The following RPTOR variants were observed in gnomAD, a reference collection of about 807,000 sequenced individuals.
RPTOR encodes regulatory-associated protein of mTOR.
Under a neutral mutation model 169.9 loss-of-function variants are expected in RPTOR, and 21 were observed. The ratio of observed to expected loss-of-function variants is 0.12; its 90% confidence interval spans 0.09 to 0.18. RPTOR has a LOEUF of 0.18. RPTOR is among the 10% of genes least tolerant of loss of function. RPTOR has a pLI of 1.00. For missense variants in RPTOR, 1,133 were observed against 1,855.9 expected, an observed-to-expected ratio of 0.61 and a Z score of 7.16; for synonymous variants, 732 against 753.2, an observed-to-expected ratio of 0.97 and a Z score of 0.46.
At chr17:80,652,199 A>G (rs2065646312) in intron 3 of RPTOR, among the ~76,000 whole-genome samples, 1 of 152,074 alleles carries the variant, frequency 6.6e-6, no homozygotes. Flanking sequence ...GTACAACTCA[A>G]TTGGCTTTTA....
intron 6 of RPTOR, among the ~76,000 whole-genome samples, chr17:80,788,518 T>C (rs916077030): frequency 2.4e-4 from 36 of 152,154 alleles, no homozygotes; most frequent in African/African-American, 8.7e-4. Context: ...TGTGTTAATC[T>C]GATAAAAATA....
intron 2 of RPTOR, among the ~76,000 whole-genome samples, chr17:80,642,984 T>G (rs1303302931): frequency 1.3e-5 from 2 of 152,240 alleles, no homozygotes. Context: ...ATTTTTGTAA[T>G]AAATATTTAT....
chr17:80,701,625 C>T (rs1321188242), intron 3 of RPTOR, among the ~76,000 whole-genome samples: 1 of 152,204 alleles, frequency 6.6e-6, no homozygotes, highest in Admixed American at 6.5e-5. Context: ...CCTGAAATGA[C>T]ATTTGTTCCT....
intron 11 of RPTOR, among the ~76,000 whole-genome samples, chr17:80,854,100 G>A (rs72856085): frequency 1.8e-3 from 275 of 152,294 alleles, no homozygotes; most frequent in Admixed American, 4.1e-3. Context: ...GCCACATTTT[G>A]AAGTAGAAAA....
chr17:80,952,478 C>T (rs1050576970), intron 28 of RPTOR, among the ~76,000 whole-genome samples: 2 of 152,346 alleles, frequency 1.3e-5, no homozygotes, highest in African/African-American at 4.8e-5. Flanking sequence ...AGGCCCAAGG[C>T]GTGACCTCCG....
chr17:80,654,508 G>T (rs1347221622), intron 3 of RPTOR, among the ~76,000 whole-genome samples: 1 of 152,228 alleles, frequency 6.6e-6, no homozygotes, highest in East Asian at 1.9e-4. Flanking sequence ...AGGGAGTGAG[G>T]CTGCCCTCTA....
At chr17:80,946,786 G>T (rs775468546) in intron 26 of RPTOR, among the ~76,000 whole-genome samples, 1 of 152,222 alleles carries the variant, frequency 6.6e-6, no homozygotes, top group Non-Finnish European at 1.5e-5. Flanking sequence ...GAACATTGGT[G>T]TACAAGTATC....
intron 7 of RPTOR, among the ~76,000 whole-genome samples, chr17:80,792,067 C>T (rs760681202): frequency 2.0e-5 from 3 of 152,086 alleles, no homozygotes; most frequent in South Asian, 2.1e-4. Flanking sequence ...GTCTGTCCCT[C>T]GCGTGATCTT....
intron 6 of RPTOR, among the ~76,000 whole-genome samples, chr17:80,756,105 G>C (rs888610368): frequency 2.0e-5 from 3 of 152,244 alleles, no homozygotes; most frequent in African/African-American, 7.2e-5. Flanking sequence ...AATCCCCCAC[G>C]CAACAGTGTT....
intron 3 of RPTOR, among the ~76,000 whole-genome samples, chr17:80,685,627 A>ATATATTTTT (rs1269766086): frequency 3.3e-5 from 1 of 30,684 alleles, no homozygotes; most frequent in South Asian, 1.7e-3. Flanking sequence ...ATATATATAT[A>ATATATTTTT]TTTTTTTTTT....
intron 6 of RPTOR, among the ~76,000 whole-genome samples, chr17:80,788,681 G>A (rs574401804): frequency 9.7e-4 from 148 of 152,050 alleles, no homozygotes; most frequent in African/African-American, 3.4e-3. Flanking sequence ...AATTTATGAT[G>A]TTCTTCCTCT....
intron 3 of RPTOR, among the ~76,000 whole-genome samples, chr17:80,673,040 C>T (rs980741625): frequency 2.6e-5 from 4 of 152,042 alleles, no homozygotes; most frequent in African/African-American, 9.7e-5. Flanking sequence ...GAGTCTCATG[C>T]CTCAGCCTCC....
intron 6 of RPTOR, among the ~76,000 whole-genome samples, chr17:80,779,931 C>T (rs1296614348): frequency 6.6e-6 from 1 of 152,094 alleles, no homozygotes; most frequent in South Asian, 2.1e-4. Context: ...CCAGTTTTTG[C>T]GGTGGCTTAA....
chr17:80,900,260 G>A (rs1463090820), intron 20 of RPTOR, among the ~76,000 whole-genome samples: 4 of 151,938 alleles, frequency 2.6e-5, no homozygotes, highest in Admixed American at 2.0e-4. Flanking sequence ...TGGCCTGGTG[G>A]TCGCAGCTCT....
intron 1 of RPTOR, among the ~76,000 whole-genome samples, chr17:80,546,255 A>C (rs113825417): frequency 2.1e-3 from 316 of 152,338 alleles, no homozygotes; most frequent in Non-Finnish European, 3.6e-3. Context: ...AACTAGTAAC[A>C]AATTAGTGCA....
intron 11 of RPTOR, among the ~76,000 whole-genome samples, chr17:80,854,913 G>C (rs1217587229): frequency 6.6e-6 from 1 of 152,094 alleles, no homozygotes; most frequent in Non-Finnish European, 1.5e-5. Context: ...AAATAAAAAT[G>C]GTAAAAGTAG....
chr17:80,857,722 T>G, intron 12 of RPTOR, 68 bp from the exon 13 acceptor site: 1 of 1,088,218 alleles, frequency 9.2e-7, no homozygotes, highest in Non-Finnish European at 1.4e-6. Flanking sequence ...TGGTCCCGCG[T>G]GGCACCCCTG....
intron 1 of RPTOR, among the ~76,000 whole-genome samples, chr17:80,594,628 G>A (rs774045413): frequency 2.6e-4 from 39 of 152,222 alleles, no homozygotes; most frequent in Non-Finnish European, 4.3e-4. Context: ...GAAGAAGCTC[G>A]TCAGGCTGTG....
At chr17:80,906,855 C>T (rs1171391097) in intron 20 of RPTOR, among the ~76,000 whole-genome samples, 3 of 152,114 alleles carry the variant, frequency 2.0e-5, no homozygotes, top group Non-Finnish European at 4.4e-5. Context: ...ACACGCATTC[C>T]TCATGGGGGC....
Sources: gnomAD v4.1 joint callset for allele counts (sites outside exome capture counted in the v4.1 genomes callset) on GRCh38, gnomAD v4.1.1 for gene constraint, MANE v1.5 for transcripts, NCBI Gene and HGNC (gene_info 2026-07-23, HGNC 2026-07-21) for gene names.